The following CSMD3 variants were observed in gnomAD, a reference collection of about 807,000 sequenced individuals.
CSMD3 encodes CUB and sushi domain-containing protein 3.
CSMD3 carries 177 observed loss-of-function variants against 435.2 expected under a neutral mutation model. The observed-to-expected ratio is 0.41, with a 90% CI of 0.36 to 0.46. The LOEUF is 0.46. Ranked by LOEUF, CSMD3 falls within the 20% of genes least tolerant of loss-of-function variation. CSMD3 has a pLI of 0.34. For missense variants in CSMD3, 4,265 were observed against 4,504.6 expected, an observed-to-expected ratio of 0.95 and a Z score of 1.52; for synonymous variants, 1,656 against 1,520.5, an observed-to-expected ratio of 1.09 and a Z score of -2.07.
At chr8:112,353,348 C>T (rs1477379395) in intron 38 of CSMD3, among the ~76,000 whole-genome samples, 1 of 151,980 alleles carries the variant, frequency 6.6e-6, no homozygotes, top group Non-Finnish European at 1.5e-5. Context: ...TGAGATCTTG[C>T]CATTGCAATC....
chr8:112,942,640 T>G (rs2083486357), intron 9 of CSMD3, among the ~76,000 whole-genome samples: 1 of 151,708 alleles, frequency 6.6e-6, no homozygotes, highest in African/African-American at 2.4e-5. Context: ...TGTTCTCACT[T>G]ACAAGTAAGA....
At chr8:112,825,039 C>T (rs2079637475) in intron 12 of CSMD3, among the ~76,000 whole-genome samples, 1 of 151,880 alleles carries the variant, frequency 6.6e-6, no homozygotes, top group South Asian at 2.1e-4. Flanking sequence ...GTCTGCATGC[C>T]TTATTTCAGC....
chr8:113,086,165 A>T (rs28429475), intron 5 of CSMD3, among the ~76,000 whole-genome samples: 2 of 150,798 alleles, frequency 1.3e-5, no homozygotes, highest in Non-Finnish European at 3.0e-5. Context: ...AGGAGAATGG[A>T]GTGTACCTGG....
At chr8:113,138,296 T>A (rs1258523843) in intron 4 of CSMD3, among the ~76,000 whole-genome samples, 9 of 151,460 alleles carry the variant, frequency 5.9e-5, no homozygotes, top group Non-Finnish European at 1.3e-4. Flanking sequence ...TCACTAGTTG[T>A]AACTAAAAAA....
chr8:113,306,521 G>T (rs888622308), intron 2 of CSMD3, among the ~76,000 whole-genome samples: 3 of 152,066 alleles, frequency 2.0e-5, no homozygotes, highest in African/African-American at 7.2e-5. Context: ...AATTTTCATG[G>T]AAAGTCATTC....
chr8:112,735,005 G>T (rs1343567292), intron 13 of CSMD3, among the ~76,000 whole-genome samples: 2 of 151,928 alleles, frequency 1.3e-5, no homozygotes, highest in Non-Finnish European at 2.9e-5. Flanking sequence ...ATCTCTATTT[G>T]TCTCTTGTTT....
At position 112,685,561 on chromosome 8, in the gene CSMD3, G is replaced by T. The variant is rs2075992227; in HGVS notation, c.2327C>A (p.Ala776Asp). 1 of 1,613,990 alleles carries T rather than the reference G, an allele frequency of 6.2e-7. No homozygotes were observed. The highest frequency in any genetic ancestry group is 1.7e-5 in the Admixed American group (1 of 59,990). ...FDLESQFDFL[A>D]VKDGDSPESP... Reference sequence around the variant, plus strand: ...TTCTGGAGAGTCACCATCTTTAACAGCAAGGAAATCAAACTGGGATTCCAG... The same window carrying T: ...TTCTGGAGAGTCACCATCTTTAACATCAAGGAAATCAAACTGGGATTCCAG... Residue 776 changes from alanine (A) to aspartate (D), a missense_variant, in exon 15 of 71, where the codon GCT (alanine) becomes GAT (aspartate). Physicochemically the swap from Ala to Asp is moderately radical, Grantham distance 126. This residue lies in a region of CSMD3 where 279 missense variants were observed against 369.0 expected (regional missense o/e 0.76). Coordinates refer to ENST00000297405, the MANE Select transcript of CSMD3 (RefSeq NM_198123.2).
rs188748118 is a variant in CSMD3 at position 112,620,661 on chromosome 8, C to A, written c.3715+16156G>T. On this transcript the variant is annotated intron_variant, in intron 22 of 70. Coordinates refer to ENST00000297405, the MANE Select transcript of CSMD3 (RefSeq NM_198123.2). ...CCACCAACAGACTTCCCGAGGCCAGCCAATAAAAAGAGATACGTGATGTCT... is the reference window on the plus strand; with the variant it reads ...CCACCAACAGACTTCCCGAGGCCAGACAATAAAAAGAGATACGTGATGTCT... Among the ~76,000 whole-genome samples the A allele has an allele frequency of 2.0e-3, 302 of 152,226 alleles. 1 individual carries two copies. The highest frequency in any genetic ancestry group is 7.1e-3 in the African/African-American group (294 of 41,540).
At chr8:112,744,385 T>A (rs2077381552) in intron 13 of CSMD3, among the ~76,000 whole-genome samples, 1 of 152,144 alleles carries the variant, frequency 6.6e-6, no homozygotes, top group Admixed American at 6.6e-5. Flanking sequence ...TTGAAATAAG[T>A]AATTGAAATT....
chr8:113,433,510 C>T (rs1159097676), intron 1 of CSMD3, among the ~76,000 whole-genome samples: 3 of 152,242 alleles, frequency 2.0e-5, no homozygotes, highest in Admixed American at 1.3e-4. Flanking sequence ...TCCAAAAGAC[C>T]TCTGTGGCAG....
chr8:113,365,343 A>T (rs2094304419), intron 1 of CSMD3, among the ~76,000 whole-genome samples: 1 of 152,108 alleles, frequency 6.6e-6, no homozygotes, highest in African/African-American at 2.4e-5. Context: ...TATATCTAAA[A>T]TAATATATTT....
rs781045157 is a variant in CSMD3, at chr8:112,455,613, AAATAAATAAATAAATAAATC to A, written c.5395+16958_5395+16977del. Among the ~76,000 whole-genome samples the A allele has an allele frequency of 4.2e-4, 31 of 73,202 alleles. No homozygotes were observed. The East Asian group carries it at 0.011, about 26-fold the overall frequency. 48.0% of individuals were successfully genotyped at this position (73,202 alleles called of 152,430 possible). On this transcript the variant is annotated intron_variant, in intron 32 of 70. Coordinates refer to ENST00000297405, the MANE Select transcript of CSMD3 (RefSeq NM_198123.2). ...TAAGTAAATAAATAAATAAATAAAT[AAATAAATAAATAAATAAATC>A]AAAGCATAATCAATGCCTAAGTCAG...
chr8:113,410,922 AAAGAAAGAAAG>A (rs2094556075), intron 1 of CSMD3, among the ~76,000 whole-genome samples: 4 of 150,592 alleles, frequency 2.7e-5, no homozygotes, highest in African/African-American at 9.8e-5. Context: ...AGAAAGAAAG[AAAGAAAGAAAG>A]AAAGAAAGAA....
chr8:112,337,096 T>A lies in CSMD3; in HGVS notation c.6842-267A>T, dbSNP rs187431907. On this transcript the variant is annotated intron_variant, in intron 43 of 70. Coordinates refer to ENST00000297405, the MANE Select transcript of CSMD3 (RefSeq NM_198123.2). ...TACATTGTCTTCTCTATTATTTAAA[T>A]ATTTTATATCAATGCAAAGACTTTA... Among the ~76,000 whole-genome samples, 211 of 152,306 alleles carry A rather than the reference T, an allele frequency of 1.4e-3. 1 individual carries two copies. The highest frequency in any genetic ancestry group is 4.6e-3 in the Admixed American group (70 of 15,294).
intron 1 of CSMD3, among the ~76,000 whole-genome samples, chr8:113,399,842 A>T (rs1177543027): frequency 2.0e-5 from 3 of 152,030 alleles, no homozygotes; most frequent in East Asian, 1.9e-4. Flanking sequence ...CTGTTTTTTT[A>T]AAATTAAGGA....
At chr8:113,123,572 C>T (rs534872807) in intron 4 of CSMD3, among the ~76,000 whole-genome samples, 11 of 152,106 alleles carry the variant, frequency 7.2e-5, no homozygotes, top group African/African-American at 2.6e-4. Flanking sequence ...TAAATTTCCT[C>T]AGTTTTAGGC....
At chr8:112,916,655 C>T (rs192699723) in intron 10 of CSMD3, among the ~76,000 whole-genome samples, 30 of 152,010 alleles carry the variant, frequency 2.0e-4, no homozygotes, top group Non-Finnish European at 2.9e-4. Flanking sequence ...ATATGCATTT[C>T]TGGCTGATAA....
chr8:112,958,371 T>G, intron 7 of CSMD3, among the ~76,000 whole-genome samples: 1 of 152,170 alleles, frequency 6.6e-6, no homozygotes, highest in Non-Finnish European at 1.5e-5. Flanking sequence ...AATAGAAATA[T>G]TTTATAATAC....
intron 32 of CSMD3, among the ~76,000 whole-genome samples, chr8:112,453,771 C>A (rs1816539512): frequency 6.6e-6 from 1 of 152,022 alleles, no homozygotes; most frequent in Non-Finnish European, 1.5e-5. Context: ...TTCTAAAATT[C>A]ATACGAAACC....
Sources: allele counts gnomAD v4.1 joint callset (sites outside exome capture counted in the v4.1 genomes callset), GRCh38; gene constraint gnomAD v4.1.1; regional missense constraint gnomAD v4.1.1; transcripts MANE v1.5; gene names NCBI Gene and HGNC (gene_info 2026-07-23, HGNC 2026-07-21).